Variants in COMMD7 observed in about 807,000 individuals in gnomAD.
COMMD7 encodes the protein COMM domain-containing protein 7.
Under a neutral mutation model 34.8 loss-of-function variants are expected in COMMD7, and 28 were observed. That is an observed-to-expected ratio of 0.80 (90% confidence interval 0.60 to 1.10). The LOEUF is 1.10. COMMD7 is among the 50% of genes least tolerant of loss of function. COMMD7 has a pLI of 0.00. For missense variants in COMMD7, 211 were observed against 241.6 expected (o/e 0.87, Z 0.84); for synonymous variants, 80 against 86.4 (o/e 0.93, Z 0.41).
intron 6 of COMMD7, 100 bp downstream of exon 6, chr20:32,704,714 T>G (rs1441444595): frequency 3.4e-6 from 3 of 895,096 alleles, no homozygotes; most frequent in Non-Finnish European, 5.5e-6. Flanking sequence ...CCAACAGTGC[T>G]AGGGACTAGG....
chr20:32,704,771 C>T (rs1337137478), intron 6 of COMMD7, 43 bp downstream of exon 6: 3 of 1,464,632 alleles, frequency 2.0e-6, no homozygotes. Context: ...GCACCCCAAC[C>T]CTGTACCACC....
intron 3 of COMMD7, among the ~76,000 whole-genome samples, chr20:32,717,617 T>C (rs1408249780): frequency 1.3e-5 from 2 of 151,836 alleles, no homozygotes; most frequent in East Asian, 1.9e-4. Flanking sequence ...TGAGCCACCA[T>C]ACCTGGCCAA....
intron 3 of COMMD7, among the ~76,000 whole-genome samples, chr20:32,718,507 T>C (rs113303491): frequency 4.2e-4 from 64 of 152,092 alleles, no homozygotes; most frequent in African/African-American, 1.4e-3. Flanking sequence ...GAGACCAGCC[T>C]GGGCAACACA....
At chr20:32,719,509 G>A (rs1985021613) in intron 3 of COMMD7, among the ~76,000 whole-genome samples, 2 of 152,048 alleles carry the variant, frequency 1.3e-5, no homozygotes, top group Non-Finnish European at 2.9e-5. Flanking sequence ...AATTAGCCAG[G>A]CATGGTGGCG....
intron 1 of COMMD7, among the ~76,000 whole-genome samples, chr20:32,741,153 AC>A (rs761170392): frequency 4.6e-4 from 55 of 119,700 alleles, no homozygotes; most frequent in East Asian, 7.1e-4. Context: ...AAACAAACAA[AC>A]AAACAAAAAA....
chr20:32,722,720 GAA>G (rs72491024), intron 3 of COMMD7, among the ~76,000 whole-genome samples: 2 of 113,186 alleles, frequency 1.8e-5, no homozygotes, highest in Non-Finnish European at 1.9e-5. Context: ...TGAGACTCAG[GAA>G]AAAAAAAAAA....
At chr20:32,711,394 C>T in intron 3 of COMMD7, among the ~76,000 whole-genome samples, 1 of 65,952 alleles carries the variant, frequency 1.5e-5, no homozygotes, top group Non-Finnish European at 3.5e-5. Context: ...GAGACTCTGT[C>T]TAAAAAAAAA....
intron 1 of COMMD7, 26 bp from the exon 2 acceptor site, chr20:32,728,168 C>G (rs1228032899): frequency 3.1e-6 from 5 of 1,613,022 alleles, no homozygotes; most frequent in Non-Finnish European, 4.2e-6. Context: ...CACAGAACAT[C>G]AGTACAATTT....
intron 1 of COMMD7, among the ~76,000 whole-genome samples, chr20:32,740,244 G>A (rs1053829309): frequency 6.8e-6 from 1 of 147,838 alleles, no homozygotes; most frequent in African/African-American, 2.5e-5. Context: ...GTGAACCCGG[G>A]AGGCGGAGCT....
At chr20:32,704,616 A>G (rs1408888259) in intron 6 of COMMD7, 127 bp from the exon 7 acceptor site, 3 of 1,021,368 alleles carry the variant, frequency 2.9e-6, no homozygotes, top group Non-Finnish European at 4.4e-6. Flanking sequence ...GTATGAGGGC[A>G]GCAAGGTGTG....
At chr20:32,728,976 G>T (rs1470060585) in intron 1 of COMMD7, among the ~76,000 whole-genome samples, 1 of 152,084 alleles carries the variant, frequency 6.6e-6, no homozygotes, top group Non-Finnish European at 1.5e-5. Flanking sequence ...AGTTTTGTGT[G>T]TCTTAATCTT....
At chr20:32,742,886 T>G (rs1601015700) in intron 1 of COMMD7, among the ~76,000 whole-genome samples, 4 of 152,006 alleles carry the variant, frequency 2.6e-5, no homozygotes, top group Admixed American at 2.6e-4. Flanking sequence ...AACATCTATC[T>G]CCCTTTGGAC....
chr20:32,720,946 C>T (rs769196502), intron 3 of COMMD7, among the ~76,000 whole-genome samples: 1 of 152,116 alleles, frequency 6.6e-6, no homozygotes, highest in African/African-American at 2.4e-5. Context: ...GAACAAGACT[C>T]GCCCCTGAGT....
chr20:32,739,570 G>A (rs1171528289), intron 1 of COMMD7, among the ~76,000 whole-genome samples: 8 of 138,020 alleles, frequency 5.8e-5, no homozygotes, highest in African/African-American at 2.2e-4. Flanking sequence ...GCGTGAACCC[G>A]GGAGGTGGAG....
Position 32,706,729 on chromosome 20 carries a change from C to G in COMMD7, c.273G>C (p.Gln91His), listed in dbSNP as rs781221721. 6.2e-7 allele frequency: 1 copy of G among 1,613,884 alleles called. No individual in the cohort carries two copies. Among genetic ancestry groups the G allele is most frequent in the Non-Finnish European group, 8.5e-7 (1 of 1,179,984 alleles). ...GALKKSLTAK[Q>H]VQADFITLGL... is the part of the protein sequence containing the mutation. ...CCAGAGTTATGAAATCCGCCTGGAC[C>G]TGCTTGGCTGTGAGACTCTTCTTCA... Residue 91 changes from glutamine to histidine, a missense_variant, in exon 4 of 9, where the codon CAG (glutamine) becomes CAC (histidine). Coordinates refer to ENST00000278980, the MANE Select transcript of COMMD7 (RefSeq NM_053041.3).
rs539496875 is a variant in COMMD7 at position 32,738,812 on chromosome 20, G to A, written c.84+4496C>T. Among the ~76,000 whole-genome samples the A allele has an allele frequency of 2.6e-5, 4 of 152,100 alleles. No individual in the cohort carries two copies. In the South Asian group the frequency reaches 8.3e-4, roughly 32 times the overall value. ...AGTGGCATAATCATAGCTAACCGCA[G>A]CCTCCAATTTCTGACTCAAGTGATC... is the stretch of plus-strand genomic sequence containing the variant. On this transcript the variant is annotated intron_variant, in intron 1 of 8. Transcript: ENST00000278980.
chr20:32,730,355 G>T (rs985137781), intron 1 of COMMD7, among the ~76,000 whole-genome samples: 3 of 152,006 alleles, frequency 2.0e-5, no homozygotes, highest in Non-Finnish European at 4.4e-5. Flanking sequence ...GGGAGTTCAA[G>T]ACCAGCCTGA....
At chr20:32,715,427 G>A (rs1000501713) in intron 3 of COMMD7, among the ~76,000 whole-genome samples, 30 of 125,094 alleles carry the variant, frequency 2.4e-4, no homozygotes, top group Non-Finnish European at 4.2e-4. Context: ...AGGATACAGT[G>A]AGCAGAGACT....
chr20:32,705,988 C>T (rs113843111), intron 5 of COMMD7, among the ~76,000 whole-genome samples: 4 of 151,868 alleles, frequency 2.6e-5, no homozygotes, highest in South Asian at 4.2e-4. Context: ...CACCTGAGGT[C>T]GGGAGTTCAA....
Sources: gnomAD v4.1 joint callset for allele counts (sites outside exome capture counted in the v4.1 genomes callset) on GRCh38, gnomAD v4.1.1 for gene constraint, MANE v1.5 for transcripts, NCBI Gene and HGNC (gene_info 2026-07-23, HGNC 2026-07-21) for gene names.